USP51: variants seen among roughly 807,000 people sequenced by gnomAD.
The protein encoded by USP51 is ubiquitin specific peptidase 51, also known as ubiquitin carboxyl-terminal hydrolase 51.
USP51 carries 5 observed loss-of-function variants against 17.6 expected under a neutral mutation model. That is an observed-to-expected ratio of 0.28 (90% CI 0.15 to 0.60). USP51 has a LOEUF of 0.60. Among genes scored for constraint, USP51 ranks in the 20% least tolerant of loss-of-function variants. The pLI is 0.88. For missense variants in USP51, 459 were observed against 559.5 expected, an observed-to-expected ratio of 0.82 and a Z score of 1.81; for synonymous variants, 248 against 216.1, an observed-to-expected ratio of 1.15 and a Z score of -1.29.
chrX:55,486,629 T>C lies in USP51; in HGVS notation c.*175A>G. 3.6e-6 allele frequency: 2 copies of C among 549,596 alleles called. No individual in the cohort carries two copies. Among genetic ancestry groups the C allele is most frequent in the Non-Finnish European group, 5.5e-6 (2 of 363,069 alleles). The allele number at this position is 549,596 out of a possible 1,213,427, so 45.3% of individuals were successfully genotyped here. A position where few individuals can be genotyped will look rare whatever the true frequency, so the allele number is the denominator to read the frequency against. ...TTAAGGTTGAATGGTCACTGGTTAG[T>C]ATTCATTTTTTTCTTCCGACAGACC... is the stretch of plus-strand genomic sequence containing the variant. On this transcript the variant is annotated 3_prime_UTR_variant, in exon 3 of 3. Transcript: ENST00000500968.
rs1483484351 is a variant in USP51 at position 55,488,484 on chromosome X, G to GCGCCGGGATCCA, written c.444_455dup (p.Gly149_Arg152dup). ...GAGGCCTGGACCCAGGCCGGGATCT[G>GCGCCGGGATCCA]CGCCGGGATCCACGCCAGGCCCTGG... On this transcript the variant is annotated inframe_insertion, in exon 3 of 3. Transcript: ENST00000500968. 4 of 1,203,572 alleles carry GCGCCGGGATCCA rather than the reference G, an allele frequency of 3.3e-6. No individual in the cohort carries two copies. Among genetic ancestry groups the GCGCCGGGATCCA allele is most frequent in the South Asian group, 3.6e-5 (2 of 55,562 alleles).
Position 55,486,794 on chromosome X carries a change from T to G in USP51, c.*10A>C, listed in dbSNP as rs372611755. ...CATTTACTTTTTTTTCAGTAAGTGG[T>G]CTGGTAAGACTAGTCTTTCTCTAGA... On this transcript the variant is annotated 3_prime_UTR_variant, in exon 3 of 3. Coordinates refer to ENST00000500968, the MANE Select transcript of USP51 (RefSeq NM_201286.4). 1.8e-5 allele frequency: 21 copies of G among 1,165,014 alleles called. No homozygotes were observed. Among genetic ancestry groups the G allele is most frequent in the Non-Finnish European group, 2.4e-5 (21 of 874,184 alleles).
chrX:55,488,585 C>A lies in USP51; in HGVS notation c.355G>T (p.Gly119Trp). Reference protein sequence around the residue: ...QPRARSRSQPGLSAPPPPPAR... With the variant: ...QPRARSRSQPWLSAPPPPPAR... ...GGAGGCGGGGGTGGGGCCGAGAGCC[C>A]AGGCTGGCTGCGGGAGCGGGCCCGG... The change falls in exon 3 of 3, where the codon GGG (glycine) becomes TGG (tryptophan). Residue 119 changes from glycine (G) to tryptophan (W), a missense_variant. This residue lies in a region of USP51 where 232 missense variants were observed against 194.0 expected (regional missense o/e 1.20). Coordinates refer to ENST00000500968, the MANE Select transcript of USP51 (RefSeq NM_201286.4). 1 of 1,087,760 alleles carries A rather than the reference C, an allele frequency of 9.2e-7. No individual in the cohort carries two copies. Among genetic ancestry groups the A allele is most frequent in the Non-Finnish European group, 1.2e-6 (1 of 838,892 alleles). 89.6% of individuals were successfully genotyped at this position (1,087,760 alleles called of 1,213,427 possible).
In USP51 at chrX:55,488,822, C is replaced by T. The variant is rs754958310; in HGVS notation, c.118G>A (p.Ala40Thr). The T allele has an allele frequency of 6.6e-6, 8 of 1,211,631 alleles. No individual in the cohort carries two copies. In the South Asian group the frequency reaches 1.4e-4, roughly 21 times the overall value. ...GACGCCTTCGTAGCCCCCGCCGCCG[C>T]CTCCTCCATTTTCCCCGCCTTCTCA... ...AVEKAGKMEEAAAGATKASSR... is the reference protein window; with the variant it reads ...AVEKAGKMEETAAGATKASSR... Residue 40 changes from alanine (A) to threonine (T), a missense_variant, in exon 3 of 3, where the codon GCG becomes ACG. Ala to Thr is a moderately conservative substitution (Grantham distance 58). Around this residue, in one of 2 missense-constraint regions of USP51, gnomAD observed 232 missense variants for 194.0 expected, o/e 1.20. Coordinates refer to ENST00000500968, the MANE Select transcript of USP51 (RefSeq NM_201286.4).
Position 55,488,747 on chromosome X carries a change from C to T in USP51, c.193G>A (p.Glu65Lys), listed in dbSNP as rs1366972891. ...EMKLEPLQER[E>K]PAPEENLTWS... ...GTCAAGTTCTCCTCCGGCGCGGGCT[C>T]ACGCTCTTGTAATGGCTCCAGCTTC... Residue 65 changes from glutamate to lysine, a missense_variant, in exon 3 of 3, where the codon GAG (glutamate) becomes AAG (lysine). By Grantham distance (56) the Glu-to-Lys change is moderately conservative. Around this residue, in one of 2 missense-constraint regions of USP51, gnomAD observed 232 missense variants for 194.0 expected, o/e 1.20. Transcript: ENST00000500968. 1.7e-6 allele frequency: 2 copies of T among 1,207,671 alleles called. No individual in the cohort carries two copies. The highest frequency in any genetic ancestry group is 2.3e-4 in the Middle Eastern group (1 of 4,351).
In USP51 at chrX:55,487,698, A is replaced by G. The variant is rs1221752466; in HGVS notation, c.1242T>C (p.Leu414=). The part of the protein sequence containing the change: ...SLCLVCEMSS[L]FHAMYSGSRT... ...GGCTCCCAGAGTACATAGCATGAAAAAGCGAAGACATTTCACAGACCAGAC... is the reference window on the plus strand; with the variant it reads ...GGCTCCCAGAGTACATAGCATGAAAGAGCGAAGACATTTCACAGACCAGAC... Residue 414 remains leucine (L), a synonymous_variant, in exon 3 of 3, where the codon CTT becomes CTC. Coordinates refer to ENST00000500968, the MANE Select transcript of USP51 (RefSeq NM_201286.4). 8.3e-7 allele frequency: 1 copy of G among 1,211,969 alleles called. No homozygotes were observed. Among genetic ancestry groups the G allele is most frequent in the African/African-American group, 1.7e-5 (1 of 57,837 alleles).
At position 55,486,220 on chromosome X, in the gene USP51, A is replaced by C. The variant is rs1480528246; in HGVS notation, c.*584T>G. 1 of 111,530 alleles carries C rather than the reference A, an allele frequency of 9.0e-6. No homozygotes were observed. Among genetic ancestry groups the C allele is most frequent in the Non-Finnish European group, 1.9e-5 (1 of 52,949 alleles). The allele number at this position is 111,530 out of a possible 1,213,427, so 9.2% of individuals were successfully genotyped here. On this transcript the variant is annotated 3_prime_UTR_variant, in exon 3 of 3. Transcript: ENST00000500968. ...AAAATTCTGAAACTTCTTTAAATTA[A>C]AAAATTATTTTTAACTTTTAAAATA...
In USP51 at chrX:55,488,896, A is replaced by G. The variant is rs755960589; in HGVS notation, c.44T>C (p.Val15Ala). 26 of 1,207,185 alleles carry G rather than the reference A, an allele frequency of 2.2e-5. No individual in the cohort carries two copies. The South Asian group carries it at 4.6e-4, about 21-fold the overall frequency. The change falls in exon 3 of 3, where the codon GTC becomes GCC. Residue 15 changes from valine (V) to alanine (A), a missense_variant. Physicochemically the swap from Val to Ala is moderately conservative, Grantham distance 64. This residue lies in a region of USP51 where 232 missense variants were observed against 194.0 expected (regional missense o/e 1.20). Coordinates refer to ENST00000500968, the MANE Select transcript of USP51 (RefSeq NM_201286.4). The part of the protein sequence containing the change: ...RETSLPSGSG[V>A]RWISGGGGGA... ...TCCCCCACCTCCGGAGATCCAGCGG[A>G]CCCCAGAGCCGGAGGGCAAAGAAGT...
chrX:55,487,830 G>A lies in USP51; in HGVS notation c.1110C>T (p.Asn370=), dbSNP rs1415491615. ...GGACAATACAATTCATAAAACAAGT[G>A]TTCCCAAGATTGATTAGCCCTCTCA... ...VGLRGLINLG[N]TCFMNCIVQA... is the part of the protein sequence containing the mutation. The change falls in exon 3 of 3, where the codon AAC becomes AAT. Residue 370 remains asparagine, a synonymous_variant. Transcript: ENST00000500968. 3.7e-5 allele frequency: 45 copies of A among 1,206,362 alleles called. No individual in the cohort carries two copies. Among genetic ancestry groups the A allele is most frequent in the Admixed American group, 6.6e-5 (3 of 45,447 alleles).
At chrX:55,489,035 G>C in intron 2 of USP51, 47 bp from the exon 3 acceptor site, 3 of 1,085,043 alleles carry the variant, frequency 2.8e-6, no homozygotes, top group South Asian at 2.2e-5. Flanking sequence ...TCTGCCCAGC[G>C]TCATGGCCGC....
At position 55,487,499 on chromosome X, in the gene USP51, T is replaced by C; in HGVS notation, c.1441A>G (p.Asn481Asp). Reference protein sequence around the residue: ...GQEANNPNCCNCIIDQIFTGG... With the variant: ...GQEANNPNCCDCIIDQIFTGG... ...GTAAAGATTTGGTCTATGATGCAGT[T>C]ACAGCAGTTGGGGTTATTGGCCTCC... Residue 481 changes from asparagine (N) to aspartate (D), a missense_variant, in exon 3 of 3, where the codon AAC becomes GAC. This residue lies in a region of USP51 where 227 missense variants were observed against 365.5 expected (regional missense o/e 0.62). Transcript: ENST00000500968. The C allele has an allele frequency of 8.3e-7, 1 of 1,212,082 alleles. No individual in the cohort carries two copies. Among genetic ancestry groups the C allele is most frequent in the Non-Finnish European group, 1.1e-6 (1 of 895,620 alleles).
chrX:55,489,570 G>A (rs750535423), intron 1 of USP51, among the ~76,000 whole-genome samples: 99 of 112,110 alleles, frequency 8.8e-4, no homozygotes, highest in African/African-American at 2.8e-3. Context: ...TTTCGCGCTT[G>A]TGCTCTCACA....
At position 55,487,941 on chromosome X, in the gene USP51, T is replaced by C. The variant is rs1489695461; in HGVS notation, c.999A>G (p.Gln333=). 1 of 1,191,114 alleles carries C rather than the reference T, an allele frequency of 8.4e-7. No homozygotes were observed. The highest frequency in any genetic ancestry group is 1.1e-6 in the Non-Finnish European group (1 of 887,001). Residue 333 remains glutamine (Q), a synonymous_variant, in exon 3 of 3, where the codon CAA becomes CAG. Transcript: ENST00000500968. ...QFMTSGFEDK[Q]STCETKEQEP... is the part of the protein sequence containing the mutation. ...CCTGTTCCTTTGTCTCACAGGTTGA[T>C]TGCTTGTCTTCAAACCCTGATGTCA...
rs750299554 is a variant in USP51 at position 55,487,517 on chromosome X, T to C, written c.1423A>G (p.Asn475Asp). Residue 475 changes from asparagine (N) to aspartate (D), a missense_variant, in exon 3 of 3, where the codon AAT (asparagine) becomes GAT (aspartate). Around this residue, in one of 2 missense-constraint regions of USP51, gnomAD observed 227 missense variants for 365.5 expected, o/e 0.62. Transcript: ENST00000500968. ...ATGCAGTTACAGCAGTTGGGGTTATTGGCCTCCTGCCCACCACTATCATCT... is the reference window on the plus strand; with the variant it reads ...ATGCAGTTACAGCAGTTGGGGTTATCGGCCTCCTGCCCACCACTATCATCT... ...SKDDSGGQEA[N>D]NPNCCNCIID... 5 of 1,212,077 alleles carry C rather than the reference T, an allele frequency of 4.1e-6. No individual in the cohort carries two copies. Among genetic ancestry groups the C allele is most frequent in the African/African-American group, 1.7e-5 (1 of 57,818 alleles).
At chrX:55,489,025 T>C in intron 2 of USP51, 37 bp from the exon 3 acceptor site, 1 of 1,117,760 alleles carries the variant, frequency 8.9e-7, no homozygotes, top group Non-Finnish European at 1.2e-6. Context: ...CTGTGAATGA[T>C]CTGCCCAGCG....
chrX:55,487,094 G>A lies in USP51; in HGVS notation c.1846C>T (p.Pro616Ser). ...RRKINTFISF[P>S]LELDMTPFLA... ...AACGGAGTCATGTCCAGCTCCAAGG[G>A]AAAGGAGATAAAGGTATTAATCTTT... The change falls in exon 3 of 3, where the codon CCC (proline) becomes TCC (serine). Residue 616 changes from proline to serine, a missense_variant. Pro to Ser is a moderately conservative substitution (Grantham distance 74). Coordinates refer to ENST00000500968, the MANE Select transcript of USP51 (RefSeq NM_201286.4). The A allele has an allele frequency of 8.3e-7, 1 of 1,211,856 alleles. No homozygotes were observed. Among genetic ancestry groups the A allele is most frequent in the Non-Finnish European group, 1.1e-6 (1 of 895,500 alleles).
In USP51 at chrX:55,485,962, T is replaced by C. The variant is rs975314869; in HGVS notation, c.*842A>G. ...AAAATTTATTTCTTAATCATTATAG[T>C]AGTAATTTTGTTAACACTTTTTAAA... is the stretch of plus-strand genomic sequence containing the variant. On this transcript the variant is annotated 3_prime_UTR_variant, in exon 3 of 3. Transcript: ENST00000500968. 1 of 111,518 alleles carries C rather than the reference T, an allele frequency of 9.0e-6. No homozygotes were observed. Among genetic ancestry groups the C allele is most frequent in the East Asian group, 2.8e-4 (1 of 3,571 alleles). 9.2% of individuals were successfully genotyped at this position (111,518 alleles called of 1,213,427 possible).
intron 1 of USP51, among the ~76,000 whole-genome samples, 106 bp downstream of exon 1, chrX:55,489,670 A>G (rs2031395781): frequency 9.0e-6 from 1 of 110,986 alleles, no homozygotes; most frequent in Admixed American, 9.5e-5. Context: ...TGCCACCTCT[A>G]TGGCCACCAC....
At position 55,486,775 on chromosome X, in the gene USP51, C is replaced by T. The variant is rs185042289; in HGVS notation, c.*29G>A. ...TTCAAAATCCTTGCCTAATCATTTA[C>T]TTTTTTTTCAGTAAGTGGTCTGGTA... On this transcript the variant is annotated 3_prime_UTR_variant, in exon 3 of 3. Coordinates refer to ENST00000500968, the MANE Select transcript of USP51 (RefSeq NM_201286.4). 306 of 1,153,900 alleles carry T rather than the reference C, an allele frequency of 2.7e-4. 1 individual carries two copies. In the African/African-American group the frequency reaches 4.9e-3, roughly 19 times the overall value.
Sources: gnomAD v4.1 joint callset for allele counts (sites outside exome capture counted in the v4.1 genomes callset) on GRCh38, gnomAD v4.1.1 for gene constraint, gnomAD v4.1.1 regional missense constraint, MANE v1.5 for transcripts, NCBI Gene and HGNC (gene_info 2026-07-23, HGNC 2026-07-21) for gene names.